Variants in SFXN4 observed in about 807,000 individuals in gnomAD.
SFXN4 encodes the protein sideroflexin-4.
A neutral mutation model predicts 54.6 loss-of-function variants in SFXN4; 48 were observed. The observed-to-expected ratio is 0.88, with a 90% CI of 0.70 to 1.12. The LOEUF (loss-of-function observed/expected upper bound fraction) is 1.12, where lower values mean the gene tolerates loss of function less well. SFXN4 is among the 50% of genes most tolerant of loss of function. SFXN4 has a pLI of 0.00. For missense variants in SFXN4, 383 were observed against 409.2 expected (o/e 0.94, Z 0.55); for synonymous variants, 130 against 145.5 (o/e 0.89, Z 0.77).
chr10:119,152,007 T>C (rs914012420), intron 11 of SFXN4, among the ~76,000 whole-genome samples: 1 of 150,132 alleles, frequency 6.7e-6, no homozygotes, highest in Non-Finnish European at 1.5e-5. Flanking sequence ...TTTGTAGAGA[T>C]AGGGTTTTGC....
rs1470019402 is a variant in SFXN4 at position 119,151,973 on chromosome 10, C to T, written c.732+3089G>A. ...GGGACTACAGATGCACCCCGCCATG[C>T]CTAGCTAATTTTTTAAAAATTTTTT... On this transcript the variant is annotated intron_variant, in intron 11 of 13. Transcript: ENST00000355697. Among the ~76,000 whole-genome samples, 3 of 151,972 alleles carry T rather than the reference C, an allele frequency of 2.0e-5. No individual in the cohort carries two copies. In the East Asian group the frequency reaches 5.8e-4, roughly 29 times the overall value.
Position 119,147,843 on chromosome 10 carries a change from T to C in SFXN4, c.750A>G (p.Leu250=), listed in dbSNP as rs141926813. The C allele has an allele frequency of 1.2e-4, 200 of 1,614,088 alleles. 1 individual carries two copies. In the African/African-American group the frequency reaches 2.4e-3, roughly 20 times the overall value. ...IAGTKAVRET[L]ASRIVLFGTS... ...TCCCAAACAGCACTATTCTGGATGCTAGCGTTTCTCTAACAGCCTAGCAAA... is the reference window on the plus strand; with the variant it reads ...TCCCAAACAGCACTATTCTGGATGCCAGCGTTTCTCTAACAGCCTAGCAAA... The change falls in exon 12 of 14, where the codon CTA becomes CTG. Residue 250 remains leucine (L), a synonymous_variant. Transcript: ENST00000355697.
chr10:119,156,289 A>G (rs1413646294), intron 10 of SFXN4, among the ~76,000 whole-genome samples: 1 of 152,132 alleles, frequency 6.6e-6, no homozygotes, highest in African/African-American at 2.4e-5. Context: ...TTAGCTGGAC[A>G]TGGTGGCGCA....
chr10:119,155,628 C>G (rs72832474), intron 10 of SFXN4, among the ~76,000 whole-genome samples: 46,475 of 151,886 alleles, frequency 0.31, 7,667 homozygotes, highest in South Asian at 0.41. Context: ...GAGTAGCTGG[C>G]ATTACAGGCA....
chr10:119,159,363 C>T (rs1847420741), intron 6 of SFXN4, among the ~76,000 whole-genome samples: 1 of 152,154 alleles, frequency 6.6e-6, no homozygotes, highest in Admixed American at 6.5e-5. Flanking sequence ...ATGCCAGGTC[C>T]CAGGTGAGGG....
intron 11 of SFXN4, among the ~76,000 whole-genome samples, chr10:119,149,302 C>G (rs1258946010): frequency 1.3e-5 from 2 of 152,164 alleles, no homozygotes; most frequent in African/African-American, 4.8e-5. Context: ...TGGCTTTGAC[C>G]TACCTTCCCA....
chr10:119,164,522 C>A (rs1847689434), intron 1 of SFXN4, among the ~76,000 whole-genome samples: 4 of 152,142 alleles, frequency 2.6e-5, no homozygotes, highest in Admixed American at 2.0e-4. Context: ...ACGTTCATAT[C>A]TCACATACGA....
At chr10:119,156,779 C>G in intron 9 of SFXN4, 23 bp from the exon 10 acceptor site, 1 of 1,568,054 alleles carries the variant, frequency 6.4e-7, no homozygotes, top group Non-Finnish European at 8.7e-7. Context: ...AGAGAAAAAT[C>G]ATTATTTCAT....
intron 10 of SFXN4, among the ~76,000 whole-genome samples, chr10:119,155,987 C>T (rs1326382306): frequency 3.3e-5 from 5 of 152,154 alleles, no homozygotes; most frequent in Admixed American, 6.6e-5. Flanking sequence ...TAACCATTTG[C>T]TTGCTGTGTA....
Position 119,144,456 on chromosome 10 carries a change from C to CA in SFXN4, c.936+1779dup, listed in dbSNP as rs998283378. 1.3e-3 allele frequency among the ~76,000 whole-genome samples: 185 copies of CA among 137,648 alleles called. 1 individual carries two copies. The highest frequency in any genetic ancestry group is 7.0e-3 in the East Asian group (34 of 4,842). The allele number at this position is 137,648 out of a possible 152,430, so 90.3% of individuals were successfully genotyped here. On this transcript the variant is annotated intron_variant, in intron 13 of 13. Transcript: ENST00000355697. ...TGGGTGACAGAACGAGACTCCGTCT[C>CA]AAAAAAAAAAAATTGCTAATATCTG...
At position 119,141,107 on chromosome 10, in the gene SFXN4, T is replaced by C. The variant is rs1026078580; in HGVS notation, c.*135A>G. ...CGCCAGCCTGGGAACGATCTCAGTA[T>C]GGAATCTGAAGTCGCCTTGTCAGCA... On this transcript the variant is annotated 3_prime_UTR_variant, in exon 14 of 14. Transcript: ENST00000355697. 8.2e-5 allele frequency: 51 copies of C among 620,222 alleles called. No homozygotes were observed. The highest frequency in any genetic ancestry group is 1.4e-4 in the Non-Finnish European group (50 of 345,856). 38.4% of individuals were successfully genotyped at this position (620,222 alleles called of 1,614,324 possible).
At position 119,146,583 on chromosome 10, in the gene SFXN4, T is replaced by G. The variant is rs547079136; in HGVS notation, c.819-230A>C. 5.9e-5 allele frequency among the ~76,000 whole-genome samples: 9 copies of G among 152,242 alleles called. No individual in the cohort carries two copies. In the South Asian group the frequency reaches 1.9e-3, roughly 32 times the overall value. On this transcript the variant is annotated intron_variant, in intron 12 of 13. Coordinates refer to ENST00000355697, the MANE Select transcript of SFXN4 (RefSeq NM_213649.2). ...TTTGTTTGTTTGTTTTGTGTTTTTT[T>G]CTTTTGAGAGAATCTTCCTCTGTCG... is the stretch of plus-strand genomic sequence containing the variant.
intron 10 of SFXN4, among the ~76,000 whole-genome samples, chr10:119,155,909 T>C (rs1184928589): frequency 6.6e-6 from 1 of 152,130 alleles, no homozygotes; most frequent in African/African-American, 2.4e-5. Context: ...ATAGTAAACT[T>C]GCAGGCTGGC....
At chr10:119,156,600 G>T in intron 10 of SFXN4, 78 bp downstream of exon 10, 1 of 1,125,150 alleles carries the variant, frequency 8.9e-7, no homozygotes, top group Non-Finnish European at 1.3e-6. Flanking sequence ...GGAGCCAGGT[G>T]CCTCTGGAGA....
At chr10:119,147,989 G>A (rs746258206) in intron 11 of SFXN4, 129 bp from the exon 12 acceptor site, 15 of 645,766 alleles carry the variant, frequency 2.3e-5, no homozygotes, top group Non-Finnish European at 3.5e-5. Flanking sequence ...TGGCCAACAT[G>A]GTGAAACCCT....
intron 2 of SFXN4, 78 bp downstream of exon 2, chr10:119,164,040 CAAAAAAAAAAAAA>C (rs368539311): frequency 1.6e-5 from 5 of 309,808 alleles, no homozygotes; most frequent in African/African-American, 1.2e-4. Flanking sequence ...AACTCCGTCT[CAAAAAAAAAAAAA>C]AAAAAAAAAA....
At position 119,159,766 on chromosome 10, in the gene SFXN4, G is replaced by A; in HGVS notation, c.335-13C>T. On this transcript the variant is annotated splice_polypyrimidine_tract_variant and intron_variant, in intron 5 of 13. Coordinates refer to ENST00000355697, the MANE Select transcript of SFXN4 (RefSeq NM_213649.2). ...AAAGGCAGGAACGCTGGCAGGAAGAGAAGAGAGGAGGTGTCAGTGATCACA... is the reference window on the plus strand; with the variant it reads ...AAAGGCAGGAACGCTGGCAGGAAGAAAAGAGAGGAGGTGTCAGTGATCACA... 1 of 1,614,098 alleles carries A rather than the reference G, an allele frequency of 6.2e-7. No homozygotes were observed. The highest frequency in any genetic ancestry group is 8.5e-7 in the Non-Finnish European group (1 of 1,180,010).
rs144823447 is a variant in SFXN4 at position 119,155,758 on chromosome 10, G to C, written c.617-581C>G. On this transcript the variant is annotated intron_variant, in intron 10 of 13. Transcript: ENST00000355697. ...TCCACCCGCAATGGCCTCCCAAAGT[G>C]CTGGGATTCCAGGTGTGAGCCGCCA... 6.5e-3 allele frequency among the ~76,000 whole-genome samples: 995 copies of C among 152,222 alleles called. 16 individuals are homozygous for C. Among genetic ancestry groups the C allele is most frequent in the African/African-American group, 0.023 (952 of 41,532 alleles).
At chr10:119,160,812 C>A (rs1279377377) in intron 5 of SFXN4, 103 bp downstream of exon 5, 1 of 1,161,316 alleles carries the variant, frequency 8.6e-7, no homozygotes, top group Middle Eastern at 2.1e-4. Context: ...GTTGGCCAGG[C>A]TGGTCTCGAA....
Sources: gnomAD v4.1 joint callset for allele counts (sites outside exome capture counted in the v4.1 genomes callset) on GRCh38, gnomAD v4.1.1 for gene constraint, MANE v1.5 for transcripts, NCBI Gene and HGNC (gene_info 2026-07-23, HGNC 2026-07-21) for gene names.